NFATC1: variants seen among roughly 807,000 people sequenced by gnomAD.
The protein encoded by NFATC1 is nuclear factor of activated T-cells, cytoplasmic 1.
NFATC1 carries 22 observed loss-of-function variants against 76.0 expected under a neutral mutation model. That is an observed-to-expected ratio of 0.29 (90% CI 0.21 to 0.41). The LOEUF is 0.41. Among genes scored for constraint, NFATC1 ranks in the 10% least tolerant of loss-of-function variants. The pLI, the probability that NFATC1 is intolerant of heterozygous loss-of-function variation, is 1.00. For synonymous variants in NFATC1, 704 were observed against 613.1 expected, an observed-to-expected ratio of 1.15 and a Z score of -2.19; for missense variants, 1,357 against 1,337.7, an observed-to-expected ratio of 1.01 and a Z score of -0.23.
rs535639188 is a variant in NFATC1 at position 79,439,895 on chromosome 18, C to T, written c.1386+6157C>T. On this transcript the variant is annotated intron_variant, in intron 3 of 9. Transcript: ENST00000427363. ...TCAGGAGACCAACGTGGAATGAGGT[C>T]GGCCCAGCCAGTCACTGCTTAAAAA... Among the ~76,000 whole-genome samples the T allele has an allele frequency of 7.2e-5, 11 of 152,288 alleles. No homozygotes were observed. The South Asian group carries it at 2.3e-3, about 32-fold the overall frequency.
chr18:79,496,908 TG>T (rs2089903485), intron 9 of NFATC1: 1 of 152,228 alleles, frequency 6.6e-6, no homozygotes, highest in Admixed American at 6.5e-5. Flanking sequence ...GAGATGCCGC[TG>T]GACTTGCTCC....
At chr18:79,476,345 G>A (rs965873403) in intron 8 of NFATC1, among the ~76,000 whole-genome samples, 10 of 152,276 alleles carry the variant, frequency 6.6e-5, no homozygotes, top group Non-Finnish European at 1.3e-4. Flanking sequence ...CGTGAGTCAC[G>A]CGCCCCACAG....
At chr18:79,438,553 ATAAT>A (rs762134708) in intron 3 of NFATC1, among the ~76,000 whole-genome samples, 13 of 152,262 alleles carry the variant, frequency 8.5e-5, no homozygotes, top group Non-Finnish European at 1.9e-4. Flanking sequence ...GCTCGTGTGA[ATAAT>A]TAATAGGTCA....
At chr18:79,475,967 G>A (rs1401282826) in intron 8 of NFATC1, among the ~76,000 whole-genome samples, 3 of 152,240 alleles carry the variant, frequency 2.0e-5, no homozygotes, top group African/African-American at 7.2e-5. Flanking sequence ...GAGCCACAGG[G>A]CTCAGCATCC....
At chr18:79,403,879 C>T (rs988870484) in intron 1 of NFATC1, among the ~76,000 whole-genome samples, 2 of 152,214 alleles carry the variant, frequency 1.3e-5, no homozygotes, top group Non-Finnish European at 2.9e-5. Flanking sequence ...GCAGAGACGC[C>T]TGGTGAGCAG....
chr18:79,451,574 C>G (rs2144785565), intron 5 of NFATC1, 102 bp from the exon 6 acceptor site: 2 of 1,323,864 alleles, frequency 1.5e-6, no homozygotes, highest in Non-Finnish European at 2.0e-6. Flanking sequence ...GCGGTGCTTG[C>G]TCTGGGTGGG....
chr18:79,398,981 C>T (rs1243543615), intron 1 of NFATC1, among the ~76,000 whole-genome samples: 7 of 152,192 alleles, frequency 4.6e-5, no homozygotes, highest in Non-Finnish European at 8.8e-5. Context: ...GCAGGAGAAT[C>T]GCTTGAACTC....
At chr18:79,400,728 C>T (rs1161235360) in intron 1 of NFATC1, among the ~76,000 whole-genome samples, 1 of 150,728 alleles carries the variant, frequency 6.6e-6, no homozygotes, top group Non-Finnish European at 1.5e-5. Context: ...GAAGTGGTCC[C>T]GGACAGAGGG....
intron 2 of NFATC1, among the ~76,000 whole-genome samples, chr18:79,430,758 G>A (rs886294303): frequency 6.6e-6 from 1 of 150,958 alleles, no homozygotes; most frequent in African/African-American, 2.4e-5. Flanking sequence ...GACGGGCACC[G>A]CCTCGCATCA....
intron 6 of NFATC1, among the ~76,000 whole-genome samples, chr18:79,456,730 G>A (rs114248083): frequency 0.011 from 1,700 of 152,310 alleles, 38 homozygotes; most frequent in African/African-American, 0.036. Context: ...CCAGGTGGGT[G>A]GTGGGGTCTG....
chr18:79,488,281 G>A (rs1480059404), intron 9 of NFATC1, among the ~76,000 whole-genome samples: 1 of 127,388 alleles, frequency 7.9e-6, no homozygotes, highest in Non-Finnish European at 1.5e-5. Flanking sequence ...TGTGTCCCAT[G>A]GAGCCCGCAG....
At chr18:79,504,038 G>A (rs1423446332) in intron 9 of NFATC1, among the ~76,000 whole-genome samples, 2 of 152,324 alleles carry the variant, frequency 1.3e-5, no homozygotes, top group African/African-American at 4.8e-5. Flanking sequence ...GCTTAAGGGA[G>A]TGTTGTGGCT....
chr18:79,438,193 T>A (rs2086848891), intron 3 of NFATC1, among the ~76,000 whole-genome samples: 3 of 152,188 alleles, frequency 2.0e-5, no homozygotes. Context: ...TGTTTCTGGT[T>A]GTGCCTCCTT....
At chr18:79,485,961 C>G (rs2089479968) in intron 8 of NFATC1, among the ~76,000 whole-genome samples, 1 of 152,236 alleles carries the variant, frequency 6.6e-6, no homozygotes, top group Non-Finnish European at 1.5e-5. Context: ...ACCCACAGGC[C>G]CCTGGGTCCA....
intron 9 of NFATC1, among the ~76,000 whole-genome samples, chr18:79,489,699 C>G (rs1296892718): frequency 1.3e-5 from 2 of 152,164 alleles, no homozygotes; most frequent in African/African-American, 4.8e-5. Context: ...CACACCCCAG[C>G]CCACCAACCA....
At chr18:79,416,667 A>C (rs1033722975) in intron 2 of NFATC1, among the ~76,000 whole-genome samples, 1 of 152,138 alleles carries the variant, frequency 6.6e-6, no homozygotes, top group Non-Finnish European at 1.5e-5. Context: ...TGGTTTGTAA[A>C]ACACTGGCAT....
rs1569062436 is a variant in NFATC1 at position 79,527,882 on chromosome 18, G to A, written c.*305G>A. Reference sequence around the variant, plus strand: ...CATGGGAACGGCCCACACGCAGTTTGACCCCACGCCCAGCCCTTCTGGCAC... The same window carrying A: ...CATGGGAACGGCCCACACGCAGTTTAACCCCACGCCCAGCCCTTCTGGCAC... On this transcript the variant is annotated 3_prime_UTR_variant, in exon 10 of 10. Coordinates refer to ENST00000427363, the MANE Select transcript of NFATC1 (RefSeq NM_001278669.2). The A allele has an allele frequency of 6.5e-6, 3 of 459,390 alleles. No individual in the cohort carries two copies. The highest frequency in any genetic ancestry group is 1.2e-5 in the Non-Finnish European group (3 of 260,028). The allele number at this position is 459,390 out of a possible 1,614,324, so 28.5% of individuals were successfully genotyped here.
intron 2 of NFATC1, chr18:79,421,356 CA>C (rs2086086347): frequency 6.6e-6 from 1 of 152,278 alleles, no homozygotes; most frequent in African/African-American, 2.4e-5. Flanking sequence ...GTCCTCCTCC[CA>C]CGGGCAGACA....
chr18:79,461,685 G>A (rs1269510228), intron 7 of NFATC1, among the ~76,000 whole-genome samples: 7 of 152,132 alleles, frequency 4.6e-5, no homozygotes, highest in African/African-American at 7.2e-5. Flanking sequence ...CGTCTCACAC[G>A]GACCCTCCCG....
Sources: allele counts gnomAD v4.1 joint callset (sites outside exome capture counted in the v4.1 genomes callset), GRCh38; gene constraint gnomAD v4.1.1; transcripts MANE v1.5; gene names NCBI Gene and HGNC (gene_info 2026-07-23, HGNC 2026-07-21).